SYCE2: variants seen among roughly 807,000 people sequenced by gnomAD.
The protein encoded by SYCE2 is central element synaptonemal complex 1.
A neutral mutation model predicts 27.9 loss-of-function variants in SYCE2; 3 were observed. The ratio of observed to expected loss-of-function variants is 0.11; its 90% CI spans 0.05 to 0.28. The LOEUF is 0.28. SYCE2 is among the 10% of genes least tolerant of loss of function. SYCE2 has a pLI of 1.00. For missense variants in SYCE2, 207 were observed against 263.5 expected (o/e 0.79, Z 1.48); for synonymous variants, 85 against 100.7 (o/e 0.84, Z 0.93).
intron 3 of SYCE2, among the ~76,000 whole-genome samples, chr19:12,902,556 G>C (rs1970858562): frequency 6.6e-6 from 1 of 152,060 alleles, no homozygotes; most frequent in African/African-American, 2.4e-5. Flanking sequence ...GATCATTTGA[G>C]CCCAGGAGTT....
At chr19:12,902,734 G>A (rs1344466150) in intron 3 of SYCE2, among the ~76,000 whole-genome samples, 1 of 152,066 alleles carries the variant, frequency 6.6e-6, no homozygotes, top group Non-Finnish European at 1.5e-5. Context: ...AAGATTGCTT[G>A]AGCCCAGGAG....
intron 2 of SYCE2, among the ~76,000 whole-genome samples, chr19:12,908,455 G>A (rs1041119196): frequency 4.0e-5 from 6 of 151,806 alleles, no homozygotes; most frequent in Admixed American, 6.6e-5. Context: ...CTCCCGAGTA[G>A]CTGGGACTAC....
intron 2 of SYCE2, among the ~76,000 whole-genome samples, chr19:12,917,313 C>G (rs952151869): frequency 6.6e-6 from 1 of 152,188 alleles, no homozygotes; most frequent in Non-Finnish European, 1.5e-5. Flanking sequence ...CTTGGCCTCC[C>G]AAAGTGCTGG....
At chr19:12,910,753 C>T (rs1000813360) in intron 2 of SYCE2, among the ~76,000 whole-genome samples, 2 of 151,840 alleles carry the variant, frequency 1.3e-5, no homozygotes, top group African/African-American at 4.8e-5. Context: ...TCTCGGCTCA[C>T]TGCAAGCTCT....
At chr19:12,919,054 C>T (rs907899378) in intron 1 of SYCE2, among the ~76,000 whole-genome samples, 189 bp downstream of exon 1, 1 of 152,064 alleles carries the variant, frequency 6.6e-6, no homozygotes, top group Non-Finnish European at 1.5e-5. Flanking sequence ...AAATCAGACC[C>T]GTCAGTGCGT....
At chr19:12,913,330 G>A (rs1971080362) in intron 2 of SYCE2, among the ~76,000 whole-genome samples, 1 of 152,236 alleles carries the variant, frequency 6.6e-6, no homozygotes, top group Non-Finnish European at 1.5e-5. Flanking sequence ...AGGTAAAGCT[G>A]TGATTGGCAG....
At chr19:12,914,894 C>T (rs1971110622) in intron 2 of SYCE2, among the ~76,000 whole-genome samples, 1 of 152,230 alleles carries the variant, frequency 6.6e-6, no homozygotes, top group African/African-American at 2.4e-5. Context: ...CAGGCATGAG[C>T]CATCGTGCCC....
chr19:12,911,316 G>A (rs1269528414), intron 2 of SYCE2, among the ~76,000 whole-genome samples: 3 of 152,058 alleles, frequency 2.0e-5, no homozygotes. Context: ...ACTCCTGTTT[G>A]TTAGCCTAAA....
intron 5 of SYCE2, chr19:12,899,602 C>G (rs368816047): frequency 1.2e-6 from 2 of 1,613,350 alleles, no homozygotes; most frequent in African/African-American, 2.7e-5. Context: ...CTGGCTGGAC[C>G]GTAGGAGCGC....
Position 12,904,557 on chromosome 19 carries a change from T to C in SYCE2, c.241A>G (p.Ile81Val). 6.2e-7 allele frequency: 1 copy of C among 1,614,110 alleles called. No individual in the cohort carries two copies. The highest frequency in any genetic ancestry group is 8.5e-7 in the Non-Finnish European group (1 of 1,180,028). Residue 81 changes from isoleucine to valine, a missense_variant, in exon 3 of 6, where the codon ATC (isoleucine) becomes GTC (valine). Transcript: ENST00000293695. Reference protein sequence around the residue: ...QKRAQELIENINKSRQKDHAL... With the variant: ...QKRAQELIENVNKSRQKDHAL... ...TGGTCCTTTTGCCGGCTCTTGTTGA[T>C]GTTTTCGATCAGCTCCTGGGCTCTC...
chr19:12,914,577 C>T lies in SYCE2; in HGVS notation c.131+3645G>A, dbSNP rs16978788. Among the ~76,000 whole-genome samples the T allele has an allele frequency of 4.3e-3, 653 of 150,566 alleles. 4 individuals are homozygous for T. Among genetic ancestry groups the T allele is most frequent in the African/African-American group, 0.015 (596 of 40,150 alleles). Reference sequence around the variant, plus strand: ...ACCTCCCTACACCCACACATTCTCCCTCCCAACCATTCTCTACAAAGCAGC... The same window carrying T: ...ACCTCCCTACACCCACACATTCTCCTTCCCAACCATTCTCTACAAAGCAGC... On this transcript the variant is annotated intron_variant, in intron 2 of 5. Coordinates refer to ENST00000293695, the MANE Select transcript of SYCE2 (RefSeq NM_001105578.2).
At chr19:12,914,930 C>T (rs532966823) in intron 2 of SYCE2, among the ~76,000 whole-genome samples, 17 of 152,274 alleles carry the variant, frequency 1.1e-4, no homozygotes, top group Non-Finnish European at 2.1e-4. Context: ...CTTTTTATAA[C>T]GGGAACCTGA....
chr19:12,904,028 G>A lies in SYCE2; in HGVS notation c.306+464C>T, dbSNP rs140423094. 8.5e-4 allele frequency among the ~76,000 whole-genome samples: 130 copies of A among 152,274 alleles called. 3 individuals carry two copies. The East Asian group carries it at 0.022, about 25-fold the overall frequency. Reference sequence around the variant, plus strand: ...TCCACTCCCCCGTCACAGACCATTCGATGGCTTCTGCAGGACATATGGGTG... The same window carrying A: ...TCCACTCCCCCGTCACAGACCATTCAATGGCTTCTGCAGGACATATGGGTG... On this transcript the variant is annotated intron_variant, in intron 3 of 5. Transcript: ENST00000293695.
intron 2 of SYCE2, among the ~76,000 whole-genome samples, chr19:12,907,664 G>A (rs1970961461): frequency 6.6e-6 from 1 of 152,150 alleles, no homozygotes; most frequent in African/African-American, 2.4e-5. Context: ...GGTGGCATGT[G>A]TCTGTAATCC....
rs1599622013 is a variant in SYCE2 at position 12,899,205 on chromosome 19, G to A, written c.*136C>T. 1 of 780,618 alleles carries A rather than the reference G, an allele frequency of 1.3e-6. No individual in the cohort carries two copies. The allele number at this position is 780,618 out of a possible 1,614,324, so 48.4% of individuals were successfully genotyped here. A position where few individuals can be genotyped will look rare whatever the true frequency, so the allele number is the denominator to read the frequency against. ...CTACATTTTGGGAGTTCAGCACAAG[G>A]AGCTTTGGGTTTTTGTTTTTTTCTG... On this transcript the variant is annotated 3_prime_UTR_variant, in exon 6 of 6. Coordinates refer to ENST00000293695, the MANE Select transcript of SYCE2 (RefSeq NM_001105578.2).
At chr19:12,910,364 T>C (rs1218786714) in intron 2 of SYCE2, among the ~76,000 whole-genome samples, 1 of 152,130 alleles carries the variant, frequency 6.6e-6, no homozygotes, top group African/African-American at 2.4e-5. Context: ...TATTTTGTTT[T>C]TGAGACAGAC....
intron 2 of SYCE2, among the ~76,000 whole-genome samples, chr19:12,917,604 AC>A (rs2145984598): frequency 1.6e-5 from 1 of 63,216 alleles, no homozygotes; most frequent in African/African-American, 6.6e-5. Context: ...CTTTTGATCC[AC>A]CCCCCTCGGC....
chr19:12,918,445 G>A (rs1971178644), intron 1 of SYCE2, 108 bp from the exon 2 acceptor site: 3 of 1,007,424 alleles, frequency 3.0e-6, no homozygotes, highest in Admixed American at 2.0e-5. Flanking sequence ...GCTGCGGGAC[G>A]GTGGGGACCC....
At chr19:12,899,610 C>T (rs977818822) in intron 5 of SYCE2, 67 of 1,613,280 alleles carry the variant, frequency 4.2e-5, no homozygotes, top group Non-Finnish European at 5.3e-5. Flanking sequence ...ACCGTAGGAG[C>T]GCTGTGCTCT....
Sources: gnomAD v4.1 joint callset for allele counts (sites outside exome capture counted in the v4.1 genomes callset) on GRCh38, gnomAD v4.1.1 for gene constraint, MANE v1.5 for transcripts, NCBI Gene and HGNC (gene_info 2026-07-23, HGNC 2026-07-21) for gene names.